The following ASMTL variants were observed in gnomAD, a reference collection of about 807,000 sequenced individuals.
ASMTL encodes the protein acetylserotonin O-methyltransferase like, also known as probable bifunctional dTTP/UTP pyrophosphatase/methyltransferase protein.
In ASMTL, 57 loss-of-function variants were observed where a neutral mutation model predicts 60.3. The ratio of observed to expected loss-of-function variants is 0.95; its 90% CI spans 0.76 to 1.18. ASMTL has a LOEUF of 1.18. Among genes scored for constraint, ASMTL ranks in the 50% most tolerant of loss-of-function variants. The pLI is 0.00. For missense variants in ASMTL, 981 were observed against 852.6 expected (o/e 1.15, Z -1.88); for synonymous variants, 419 against 373.0 (o/e 1.12, Z -1.42).
At chrX:1,442,413 T>C in intron 1 of ASMTL, 96 bp from the exon 2 acceptor site, 1 of 1,407,360 alleles carries the variant, frequency 7.1e-7, no homozygotes, top group Middle Eastern at 2.4e-4. Flanking sequence ...TAGCGTTTGC[T>C]ACACTCCCCG....
At chrX:1,445,198 G>A (rs1221950662) in intron 1 of ASMTL, among the ~76,000 whole-genome samples, 1 of 152,142 alleles carries the variant, frequency 6.6e-6, no homozygotes, top group African/African-American at 2.4e-5. Context: ...GCGATCTTGA[G>A]GGATGCCCAG....
In ASMTL at chrX:1,407,242, AGATG is replaced by A. The variant is rs1395704808; in HGVS notation, c.1646-3757_1646-3754del. 3.4e-3 allele frequency among the ~76,000 whole-genome samples: 490 copies of A among 145,138 alleles called. 4 individuals carry two copies. The highest frequency in any genetic ancestry group is 0.012 in the African/African-American group (461 of 38,396). ...GATGGTAGATGATGGGTAGGTAGGT[AGATG>A]GATGGATGGATAGATGGATGCATGG... On this transcript the variant is annotated intron_variant, in intron 12 of 12. Transcript: ENST00000381317.
chrX:1,411,624 G>GCTGACACTTGAGCAACACGGCTGTAAA (rs757145240), intron 12 of ASMTL, among the ~76,000 whole-genome samples: 1 of 150,944 alleles, frequency 6.6e-6, no homozygotes, highest in Non-Finnish European at 1.5e-5. Flanking sequence ...ATTAGATCCA[G>GCTGACACTTGAGCAACACGGCTGTAAA]CTGCAGAGTC....
chrX:1,406,434 TG>T (rs1569530819), intron 12 of ASMTL, among the ~76,000 whole-genome samples: 28 of 146,704 alleles, frequency 1.9e-4, no homozygotes, highest in African/African-American at 7.0e-4. Flanking sequence ...ATGAGATGGA[TG>T]GAGGGATGGG....
intron 11 of ASMTL, among the ~76,000 whole-genome samples, chrX:1,415,759 C>T (rs747036046): frequency 6.6e-6 from 1 of 152,332 alleles, no homozygotes; most frequent in Admixed American, 6.5e-5. Context: ...AGCTACTGTG[C>T]CCAGCCTTGT....
chrX:1,444,008 C>T (rs149787948), intron 1 of ASMTL, among the ~76,000 whole-genome samples: 1,938 of 152,318 alleles, frequency 0.013, 19 homozygotes, highest in South Asian at 0.034. Flanking sequence ...TGCCTAAATC[C>T]AGCCCCCAAA....
intron 11 of ASMTL, among the ~76,000 whole-genome samples, chrX:1,414,944 T>TA (rs1248061351): frequency 5.1e-4 from 1 of 1,976 alleles, no homozygotes; most frequent in Non-Finnish European, 0.05. Context: ...CTTTTTTTAT[T>TA]TTTTTATTTT....
intron 5 of ASMTL, among the ~76,000 whole-genome samples, chrX:1,433,995 G>A (rs750490213): frequency 1.8e-4 from 27 of 152,294 alleles, no homozygotes; most frequent in African/African-American, 6.3e-4. Context: ...GTGTGACCAG[G>A]GATATGGGGC....
chrX:1,411,238 A>AGG (rs1203470248), intron 12 of ASMTL, among the ~76,000 whole-genome samples: 1 of 8,534 alleles, frequency 1.2e-4, no homozygotes, highest in Non-Finnish European at 6.5e-3. Flanking sequence ...GGAGAGACAG[A>AGG]GGGAGAGAAG....
intron 1 of ASMTL, among the ~76,000 whole-genome samples, chrX:1,446,839 G>A (rs2091240814): frequency 6.6e-6 from 1 of 152,138 alleles, no homozygotes; most frequent in Non-Finnish European, 1.5e-5. Flanking sequence ...ACTGGAAAAA[G>A]AAAAATCGTG....
chrX:1,433,501 T>TAAAAAAAAAAA (rs35959333), intron 5 of ASMTL, among the ~76,000 whole-genome samples: 11 of 99,112 alleles, frequency 1.1e-4, no homozygotes, highest in East Asian at 2.9e-4. Flanking sequence ...CCGTCTCTAC[T>TAAAAAAAAAAA]AAAAAAAAAA....
At chrX:1,452,944 G>A (rs1320007219), upstream of ASMTL, 4 of 902,276 alleles carry the variant, frequency 4.4e-6, no homozygotes, top group East Asian at 3.1e-5. Flanking sequence ...CCGCCTCCGC[G>A]AGGCCACGCC....
At chrX:1,417,188 G>GGCCCACAGC (rs2090316609) in intron 11 of ASMTL, among the ~76,000 whole-genome samples, 2 of 149,930 alleles carry the variant, frequency 1.3e-5, no homozygotes, top group African/African-American at 4.9e-5. Context: ...CATGCACACA[G>GGCCCACAGC]ATGCAGACGT....
intron 6 of ASMTL, among the ~76,000 whole-genome samples, chrX:1,428,582 G>A (rs1320860401): frequency 1.3e-5 from 2 of 151,198 alleles, no homozygotes; most frequent in East Asian, 3.9e-4. Flanking sequence ...AGGAGGAGGA[G>A]GTTGCAGTGA....
chrX:1,416,540 C>CACAT (rs2090276952), intron 11 of ASMTL, among the ~76,000 whole-genome samples: 16 of 149,840 alleles, frequency 1.1e-4, no homozygotes, highest in African/African-American at 2.7e-4. Context: ...GGCACACGCA[C>CACAT]GGACACACAG....
chrX:1,413,306 G>A (rs1167320898), intron 11 of ASMTL, among the ~76,000 whole-genome samples: 2 of 152,204 alleles, frequency 1.3e-5, no homozygotes, highest in African/African-American at 2.4e-5. Context: ...AGGTTGCAGT[G>A]AGCCGAGATC....
intron 9 of ASMTL, among the ~76,000 whole-genome samples, chrX:1,420,314 C>CCTGTCTCTGTCTGCCTCCATCTCTGT: frequency 6.6e-6 from 1 of 151,800 alleles, no homozygotes; most frequent in Non-Finnish European, 1.5e-5. Context: ...CCTCTATCTC[C>CCTGTCTCTGTCTGCCTCCATCTCTGT]CTGTCTCTGT....
chrX:1,450,758 GT>G (rs2091347731), intron 1 of ASMTL, among the ~76,000 whole-genome samples: 1 of 142,442 alleles, frequency 7.0e-6, no homozygotes, highest in Non-Finnish European at 1.5e-5. Flanking sequence ...CATCCCTAGG[GT>G]TCCCGGGTTA....
intron 3 of ASMTL, among the ~76,000 whole-genome samples, chrX:1,436,032 CTCTT>C (rs2090955914): frequency 6.6e-6 from 1 of 152,160 alleles, no homozygotes; most frequent in South Asian, 2.1e-4. Context: ...ACCGCCCATC[CTCTT>C]TCTTTCACCG....
Sources: allele counts gnomAD v4.1 joint callset (sites outside exome capture counted in the v4.1 genomes callset), GRCh38; gene constraint gnomAD v4.1.1; transcripts MANE v1.5; gene names NCBI Gene and HGNC (gene_info 2026-07-23, HGNC 2026-07-21).